Variants in USP26 observed in about 807,000 individuals in gnomAD.
The protein encoded by USP26 is ubiquitin specific peptidase 26.
For synonymous variants in USP26, 236 were observed against 240.6 expected (o/e 0.98, Z 0.18); for missense variants, 649 against 642.3 (o/e 1.01, Z -0.11).
intron 5 of USP26, among the ~76,000 whole-genome samples, chrX:133,078,302 G>A (rs1474747869): frequency 3.6e-5 from 4 of 111,016 alleles, no homozygotes; most frequent in African/African-American, 6.6e-5. Context: ...CCAGTCTGAC[G>A]TATCCCTTTG....
chrX:133,060,967 A>G (rs1356754113), intron 5 of USP26, among the ~76,000 whole-genome samples: 1 of 112,118 alleles, frequency 8.9e-6, no homozygotes, highest in Non-Finnish European at 1.9e-5. Context: ...GAGATTATTT[A>G]AAGTACACAG....
rs1173317554 is a variant in USP26 at position 133,090,483 on chromosome X, G to A, written c.-256+235C>T. ...AACAACTCCAGAAGTGTAAACTTTG[G>A]TTAGAAGATCCCCACTCTAAGGTTT... is the stretch of plus-strand genomic sequence containing the variant. On this transcript the variant is annotated intron_variant, in intron 3 of 5. Transcript: ENST00000511190. Among the ~76,000 whole-genome samples the A allele has an allele frequency of 2.7e-5, 3 of 112,414 alleles. No individual in the cohort carries two copies. In the Admixed American group the frequency reaches 2.8e-4, roughly 11 times the overall value.
intron 5 of USP26, among the ~76,000 whole-genome samples, chrX:133,047,269 A>G (rs2067443977): frequency 8.9e-6 from 1 of 112,254 alleles, no homozygotes; most frequent in African/African-American, 3.2e-5. Flanking sequence ...CTCAAATGCT[A>G]TCTTCTCCAT....
chrX:133,029,180 T>C (rs904453068), intron 5 of USP26, among the ~76,000 whole-genome samples: 3 of 112,532 alleles, frequency 2.7e-5, no homozygotes, highest in African/African-American at 9.7e-5. Flanking sequence ...TCAGAAAGTA[T>C]ACATCCAAGA....
chrX:133,056,301 C>A (rs1373368552), intron 5 of USP26, among the ~76,000 whole-genome samples: 1 of 111,916 alleles, frequency 8.9e-6, no homozygotes, highest in Non-Finnish European at 1.9e-5. Context: ...TTCTCTCTCA[C>A]AATCCCTGGC....
chrX:133,085,410 G>A lies in USP26; in HGVS notation c.-141-1639C>T, dbSNP rs190443211. Among the ~76,000 whole-genome samples the A allele has an allele frequency of 7.1e-5, 8 of 112,002 alleles. No individual in the cohort carries two copies. The East Asian group carries it at 2.3e-3, about 32-fold the overall frequency. ...TCCTAGTACCAATTCCACACACTAA[G>A]AATAGAAATATGAACAGGACATAGA... On this transcript the variant is annotated intron_variant, in intron 4 of 5. Coordinates refer to ENST00000511190, the MANE Select transcript of USP26 (RefSeq NM_031907.3).
intron 4 of USP26, among the ~76,000 whole-genome samples, chrX:133,085,536 A>G (rs1265481247): frequency 8.9e-6 from 1 of 112,045 alleles, no homozygotes; most frequent in Non-Finnish European, 1.9e-5. Flanking sequence ...GGATCCTACA[A>G]GGTCTTTTCA....
chrX:133,089,092 A>G (rs1291624865), intron 4 of USP26, among the ~76,000 whole-genome samples: 1 of 110,636 alleles, frequency 9.0e-6, no homozygotes. Context: ...GCTATGTAAC[A>G]GACACTTTAG....
In USP26 at chrX:133,066,286, T is replaced by A. The variant is rs1012791450; in HGVS notation, c.-77+17421A>T. On this transcript the variant is annotated intron_variant, in intron 5 of 5. Coordinates refer to ENST00000511190, the MANE Select transcript of USP26 (RefSeq NM_031907.3). ...GATAGATGAATCAAAATCATGAAAA[T>A]GGCCATACCACCCAAAGTAATTTAT... 6.3e-5 allele frequency among the ~76,000 whole-genome samples: 7 copies of A among 111,633 alleles called. No individual in the cohort carries two copies. In the Admixed American group the frequency reaches 6.7e-4, roughly 11 times the overall value.
At chrX:133,052,911 GA>G (rs1386506362) in intron 5 of USP26, among the ~76,000 whole-genome samples, 2 of 111,460 alleles carry the variant, frequency 1.8e-5, no homozygotes, top group East Asian at 5.6e-4. Context: ...TTGCCACATG[GA>G]AAAGGCATCT....
rs189158778 is a variant in USP26 at position 133,025,597 on chromosome X, C to T, written c.2624G>A (p.Arg875His). 3.8e-5 allele frequency: 46 copies of T among 1,209,153 alleles called. No individual in the cohort carries two copies. The highest frequency in any genetic ancestry group is 4.8e-5 in the Non-Finnish European group (43 of 895,013). The change falls in exon 6 of 6, where the codon CGT becomes CAT. Residue 875 changes from arginine to histidine, a missense_variant. Physicochemically the swap from Arg to His is conservative, Grantham distance 29. Coordinates refer to ENST00000511190, the MANE Select transcript of USP26 (RefSeq NM_031907.3). ...IQEAQMQEDR[R>H]CTGYIFFYMH... ...GTAAAAGAAGATGTACCCAGTGCAA[C>T]GCCTATCCTCCTGCATCTGGGCCTC...
intron 5 of USP26, among the ~76,000 whole-genome samples, chrX:133,030,921 G>A (rs930497006): frequency 1.8e-5 from 2 of 111,760 alleles, no homozygotes; most frequent in Non-Finnish European, 3.8e-5. Flanking sequence ...CCTCTAGAAG[G>A]GTCGTTAGGC....
chrX:133,056,753 C>T (rs907431526), intron 5 of USP26, among the ~76,000 whole-genome samples: 1 of 111,872 alleles, frequency 8.9e-6, no homozygotes, highest in Non-Finnish European at 1.9e-5. Flanking sequence ...CCCATTTCCT[C>T]TTAAGGGAAA....
chrX:133,026,566 T>C lies in USP26; in HGVS notation c.1655A>G (p.Asn552Ser), dbSNP rs760072841. ...GGGAAGAGGTGGTCTGGTGCCTTCA[T>C]TGCAATGAGAAGACACCTTTAAATA... The part of the protein sequence containing the change: ...SKYLKVSSHC[N>S]EGTRPPLPLS... Residue 552 changes from asparagine (N) to serine (S), a missense_variant, in exon 6 of 6, where the codon AAT (asparagine) becomes AGT (serine). Coordinates refer to ENST00000511190, the MANE Select transcript of USP26 (RefSeq NM_031907.3). 8.3e-6 allele frequency: 10 copies of C among 1,209,711 alleles called. No homozygotes were observed. In the South Asian group the frequency reaches 1.2e-4, roughly 15 times the overall value.
intron 5 of USP26, among the ~76,000 whole-genome samples, chrX:133,038,330 A>G (rs908268467): frequency 9.0e-6 from 1 of 111,503 alleles, no homozygotes; most frequent in Non-Finnish European, 1.9e-5. Context: ...TTATTTTGAG[A>G]TATGTTGCAT....
Position 133,032,136 on chromosome X carries a change from G to A in USP26, c.-76-3840C>T, listed in dbSNP as rs1050105604. ...TGCACTCTAGCCTGGGCAACAGAGC[G>A]AAACTCTGTCTCAAAAAAGCAAAAG... On this transcript the variant is annotated intron_variant, in intron 5 of 5. Coordinates refer to ENST00000511190, the MANE Select transcript of USP26 (RefSeq NM_031907.3). Among the ~76,000 whole-genome samples, 9 of 110,854 alleles carry A rather than the reference G, an allele frequency of 8.1e-5. No individual in the cohort carries two copies. In the East Asian group the frequency reaches 1.1e-3, roughly 14 times the overall value.
intron 5 of USP26, among the ~76,000 whole-genome samples, chrX:133,037,488 TG>T (rs1440465310): frequency 8.9e-6 from 1 of 111,879 alleles, no homozygotes; most frequent in African/African-American, 3.3e-5. Context: ...TGGTTGTAGA[TG>T]TGTGCTGTTA....
chrX:133,044,284 G>A (rs1043471749), intron 5 of USP26, among the ~76,000 whole-genome samples: 6 of 113,487 alleles, frequency 5.3e-5, no homozygotes, highest in Non-Finnish European at 1.1e-4. Context: ...CCGCGCTTGA[G>A]GAGCCCTTCA....
intron 5 of USP26, among the ~76,000 whole-genome samples, chrX:133,069,646 A>G (rs950614453): frequency 2.3e-4 from 26 of 111,723 alleles, no homozygotes; most frequent in African/African-American, 8.1e-4. Context: ...AAAAAAGAAA[A>G]CAGAGGAAAG....
Sources: gnomAD v4.1 joint callset for allele counts (sites outside exome capture counted in the v4.1 genomes callset) on GRCh38, gnomAD v4.1.1 for gene constraint, MANE v1.5 for transcripts, NCBI Gene and HGNC (gene_info 2026-07-23, HGNC 2026-07-21) for gene names.